The following BFAR variants were observed in gnomAD, a reference collection of about 807,000 sequenced individuals.
BFAR encodes bifunctional apoptosis regulator.
A neutral mutation model predicts 54.4 loss-of-function variants in BFAR; 52 were observed. That is an observed-to-expected ratio of 0.96 (90% confidence interval 0.77 to 1.21). BFAR has a LOEUF of 1.21. Among genes scored for constraint, BFAR ranks in the 50% most tolerant of loss-of-function variants. The pLI is 0.00. For synonymous variants in BFAR, 215 were observed against 204.3 expected, an observed-to-expected ratio of 1.05 and a Z score of -0.45; for missense variants, 571 against 534.0, an observed-to-expected ratio of 1.07 and a Z score of -0.68.
At chr16:14,666,189 G>C (rs1425161734) in intron 7 of BFAR, among the ~76,000 whole-genome samples, 2 of 152,152 alleles carry the variant, frequency 1.3e-5, no homozygotes, top group African/African-American at 4.8e-5. Context: ...ACCCAGGCTT[G>C]AGGCATGAGT....
chr16:14,637,582 T>C (rs1179644188), intron 1 of BFAR, among the ~76,000 whole-genome samples: 1 of 152,168 alleles, frequency 6.6e-6, no homozygotes, highest in African/African-American at 2.4e-5. Flanking sequence ...CGCCTGTAAA[T>C]CCCAGCACTT....
chr16:14,636,566 G>A (rs949715735), intron 1 of BFAR, among the ~76,000 whole-genome samples: 9 of 152,182 alleles, frequency 5.9e-5, no homozygotes, highest in Non-Finnish European at 7.3e-5. Context: ...ACATACAATC[G>A]GGTTTTATAC....
At chr16:14,654,987 A>G (rs1960080881) in intron 4 of BFAR, 79 bp from the exon 5 acceptor site, 11 of 1,332,802 alleles carry the variant, frequency 8.3e-6, no homozygotes, top group Non-Finnish European at 1.1e-5. Context: ...TATTTATATT[A>G]GTAAGATGGA....
chr16:14,644,162 C>CAA (rs368944439), intron 1 of BFAR, 112 bp from the exon 2 acceptor site: 1,753 of 501,092 alleles, frequency 3.5e-3, no homozygotes, highest in Non-Finnish European at 3.6e-3. Context: ...GACTGTGTCT[C>CAA]AAAAAAAAAA....
intron 2 of BFAR, 47 bp downstream of exon 2, chr16:14,644,656 G>T: frequency 6.5e-7 from 1 of 1,539,508 alleles, no homozygotes; most frequent in Non-Finnish European, 8.8e-7. Context: ...ATAAAATGTG[G>T]TTTCTCTCTT....
At chr16:14,647,781 G>A (rs1959845282) in intron 2 of BFAR, among the ~76,000 whole-genome samples, 1 of 151,864 alleles carries the variant, frequency 6.6e-6, no homozygotes, top group Admixed American at 6.6e-5. Flanking sequence ...AATCAATTAT[G>A]TACGTCTTAA....
intron 4 of BFAR, among the ~76,000 whole-genome samples, chr16:14,653,470 GGCACACGCCACCAT>G (rs1960032484): frequency 6.6e-6 from 1 of 152,018 alleles, no homozygotes; most frequent in African/African-American, 2.4e-5. Flanking sequence ...TGGGATTACA[GGCACACGCCACCAT>G]GCCCGCCTAA....
chr16:14,652,165 C>T (rs577562095), intron 4 of BFAR, among the ~76,000 whole-genome samples: 7 of 151,524 alleles, frequency 4.6e-5, no homozygotes, highest in East Asian at 2.0e-4. Flanking sequence ...GAATTATAGG[C>T]GTGAGCCACC....
intron 5 of BFAR, among the ~76,000 whole-genome samples, chr16:14,659,056 C>T (rs958103797): frequency 6.6e-6 from 1 of 150,742 alleles, no homozygotes; most frequent in Admixed American, 6.6e-5. Context: ...TACAGGTGTG[C>T]GCCTCCATGC....
At chr16:14,648,714 A>G (rs1959878059) in intron 3 of BFAR, 122 bp downstream of exon 3, 3 of 728,008 alleles carry the variant, frequency 4.1e-6, no homozygotes, top group African/African-American at 3.6e-5. Flanking sequence ...CATGTAATTT[A>G]CTACGTACAT....
chr16:14,657,864 G>T (rs972462210), intron 5 of BFAR, among the ~76,000 whole-genome samples: 3 of 152,122 alleles, frequency 2.0e-5, no homozygotes, highest in African/African-American at 7.2e-5. Flanking sequence ...TTTTTCATAG[G>T]TAAATATTTC....
intron 5 of BFAR, among the ~76,000 whole-genome samples, chr16:14,655,994 G>A (rs968733694): frequency 6.6e-6 from 1 of 152,110 alleles, no homozygotes; most frequent in African/African-American, 2.4e-5. Context: ...GGGATGACCT[G>A]AGGTCAGCAG....
At chr16:14,643,485 G>T (rs1012561431) in intron 1 of BFAR, among the ~76,000 whole-genome samples, 8 of 152,106 alleles carry the variant, frequency 5.3e-5, no homozygotes, top group Middle Eastern at 3.2e-3. Context: ...TAACAAATAG[G>T]CCAGAAAGAA....
At chr16:14,638,668 G>T (rs1446268484) in intron 1 of BFAR, among the ~76,000 whole-genome samples, 1 of 152,218 alleles carries the variant, frequency 6.6e-6, no homozygotes, top group Non-Finnish European at 1.5e-5. Context: ...TTCTTAGCCT[G>T]GGTGCAGTGG....
At chr16:14,642,791 C>T (rs1377869782) in intron 1 of BFAR, among the ~76,000 whole-genome samples, 1 of 152,196 alleles carries the variant, frequency 6.6e-6, no homozygotes, top group African/African-American at 2.4e-5. Context: ...GTGTTATTTA[C>T]AGGAAGCATA....
chr16:14,653,775 A>G (rs1004896216), intron 4 of BFAR, among the ~76,000 whole-genome samples: 1 of 152,092 alleles, frequency 6.6e-6, no homozygotes, highest in African/African-American at 2.4e-5. Context: ...TAGCAGTATC[A>G]TAGCTCACTA....
In BFAR at chr16:14,649,841, C is replaced by T. The variant is rs777760259; in HGVS notation, c.506C>T (p.Ser169Phe). The T allele has an allele frequency of 6.2e-7, 1 of 1,610,726 alleles. No homozygotes were observed. Among genetic ancestry groups the T allele is most frequent in the Non-Finnish European group, 8.5e-7 (1 of 1,178,206 alleles). ...GTCTATCACTGGAGCAGCAGGGAAT[C>T]TGAACACGACCTCCTGGTCCACAAG... Reference protein sequence around the residue: ...LLVYHWSSRESEHDLLVHKAV... With the variant: ...LLVYHWSSREFEHDLLVHKAV... The change falls in exon 4 of 8, where the codon TCT becomes TTT. Residue 169 changes from serine to phenylalanine, a missense_variant. By Grantham distance (155) the Ser-to-Phe change is radical. Transcript: ENST00000261658.
At position 14,667,668 on chromosome 16, in the gene BFAR, G is replaced by A; in HGVS notation, c.1194G>A (p.Trp398Ter). ...CTCAGAGGATGTGGAGCCATTTCTGGAAAGTATCAACGCAGGGGCTTTTTG... is the reference window on the plus strand; with the variant it reads ...CTCAGAGGATGTGGAGCCATTTCTGAAAAGTATCAACGCAGGGGCTTTTTG... ...TVPQRMWSHF[W>*]KVSTQGLFVA... The change falls in exon 8 of 8, where the codon TGG becomes TGA. Residue 398 changes from tryptophan (W) to a stop codon, truncating the protein, a stop_gained. Transcript: ENST00000261658. LOFTEE classifies it high-confidence loss of function. 1 of 1,614,154 alleles carries A rather than the reference G, an allele frequency of 6.2e-7. No homozygotes were observed. The highest frequency in any genetic ancestry group is 8.5e-7 in the Non-Finnish European group (1 of 1,180,024).
chr16:14,655,076 A>T lies in BFAR; in HGVS notation c.649A>T (p.Thr217Ser). ...SERVNGRLLL[T>S]LTEEEFSKTP... ...CCTGCCCCTCTACAGGTTGCTTTTA[A>T]CTTTGACAGAGGAAGAATTTTCCAA... Residue 217 changes from threonine to serine, a missense_variant, in exon 5 of 8, where the codon ACT (threonine) becomes TCT (serine). By Grantham distance (58) the Thr-to-Ser change is moderately conservative. Transcript: ENST00000261658. 1 of 1,606,140 alleles carries T rather than the reference A, an allele frequency of 6.2e-7. No homozygotes were observed. The highest frequency in any genetic ancestry group is 8.5e-7 in the Non-Finnish European group (1 of 1,177,856).
Sources: allele counts gnomAD v4.1 joint callset (sites outside exome capture counted in the v4.1 genomes callset), GRCh38; gene constraint gnomAD v4.1.1; transcripts MANE v1.5; gene names NCBI Gene and HGNC (gene_info 2026-07-23, HGNC 2026-07-21).